PAK5: variants seen among roughly 807,000 people sequenced by gnomAD.
The protein encoded by PAK5 is p21 (RAC1) activated kinase 5.
Under a neutral mutation model 65.9 loss-of-function variants are expected in PAK5, and 16 were observed. The ratio of observed to expected loss-of-function variants is 0.24; its 90% confidence interval spans 0.16 to 0.37. The LOEUF (loss-of-function observed/expected upper bound fraction) is 0.37. PAK5 is among the 10% of genes least tolerant of loss of function. The pLI is 1.00. For synonymous variants in PAK5, 371 were observed against 354.9 expected (o/e 1.05, Z -0.51); for missense variants, 785 against 903.9 (o/e 0.87, Z 1.69).
intron 2 of PAK5, among the ~76,000 whole-genome samples, chr20:9,683,476 G>T (rs897732276): frequency 2.6e-5 from 4 of 152,180 alleles, no homozygotes; most frequent in Non-Finnish European, 5.9e-5. Flanking sequence ...AAGCCTGGGG[G>T]ATCTATCTTC....
At chr20:9,564,996 C>T (rs2122987485) in intron 5 of PAK5, among the ~76,000 whole-genome samples, 1 of 151,688 alleles carries the variant, frequency 6.6e-6, no homozygotes, top group Admixed American at 6.6e-5. Flanking sequence ...GAACCACATA[C>T]ATCTAAAGTT....
intron 1 of PAK5, among the ~76,000 whole-genome samples, chr20:9,736,824 C>G (rs1427183123): frequency 6.6e-6 from 1 of 152,076 alleles, no homozygotes; most frequent in Non-Finnish European, 1.5e-5. Flanking sequence ...ACTCCAGGCA[C>G]AAGAAACATG....
At chr20:9,663,428 T>C (rs1462503678) in intron 2 of PAK5, among the ~76,000 whole-genome samples, 2 of 152,138 alleles carry the variant, frequency 1.3e-5, no homozygotes, top group African/African-American at 4.8e-5. Context: ...GTCATTTCCC[T>C]CTCTCTGTTA....
At chr20:9,804,546 A>G (rs2049208573) in intron 1 of PAK5, among the ~76,000 whole-genome samples, 1 of 152,214 alleles carries the variant, frequency 6.6e-6, no homozygotes, top group African/African-American at 2.4e-5. Context: ...ACCACCTCAT[A>G]CAATATACAA....
chr20:9,784,790 A>G (rs531543284), intron 1 of PAK5, among the ~76,000 whole-genome samples: 1 of 152,092 alleles, frequency 6.6e-6, no homozygotes, highest in South Asian at 2.1e-4. Context: ...GCAAAAAACA[A>G]GAGAAGAAGT....
At chr20:9,783,159 C>T (rs2048959982) in intron 1 of PAK5, among the ~76,000 whole-genome samples, 1 of 152,054 alleles carries the variant, frequency 6.6e-6, no homozygotes, top group Admixed American at 6.6e-5. Flanking sequence ...TGGTCTTGAA[C>T]TCCCGACCTC....
At chr20:9,657,610 T>C (rs1007408368) in intron 2 of PAK5, among the ~76,000 whole-genome samples, 1 of 152,202 alleles carries the variant, frequency 6.6e-6, no homozygotes, top group Non-Finnish European at 1.5e-5. Context: ...CTGGAGTATT[T>C]AAAATTAAAG....
intron 1 of PAK5, among the ~76,000 whole-genome samples, chr20:9,773,369 C>T (rs1374232745): frequency 6.6e-6 from 1 of 152,054 alleles, no homozygotes; most frequent in Non-Finnish European, 1.5e-5. Flanking sequence ...GGTATATCTC[C>T]TAATGCTATC....
chr20:9,644,362 A>C lies in PAK5; in HGVS notation c.-11-23T>G, dbSNP rs2047106291. 3 of 1,501,986 alleles carry C rather than the reference A, an allele frequency of 2.0e-6. No homozygotes were observed. In the South Asian group the frequency reaches 3.4e-5, roughly 17 times the overall value. 93.0% of individuals were successfully genotyped at this position (1,501,986 alleles called of 1,614,324 possible). A position where few individuals can be genotyped will look rare whatever the true frequency, so the allele number is the denominator to read the frequency against. On this transcript the variant is annotated intron_variant, in intron 2 of 9. Coordinates refer to ENST00000353224, the MANE Select transcript of PAK5 (RefSeq NM_177990.4). ...AACCTGGGAAATATAAATGGAAAAG[A>C]GGCAGCCATTTATATCTTGCCAGCA...
intron 1 of PAK5, among the ~76,000 whole-genome samples, chr20:9,771,755 C>T (rs2048836349): frequency 6.6e-6 from 1 of 151,988 alleles, no homozygotes. Flanking sequence ...TAAACTATTG[C>T]CATCAAGGAA....
chr20:9,623,083 TA>T (rs1461782640), intron 3 of PAK5, among the ~76,000 whole-genome samples: 2 of 152,172 alleles, frequency 1.3e-5, no homozygotes, highest in East Asian at 3.8e-4. Flanking sequence ...GTTAGGGAAA[TA>T]AAAGTATTTC....
intron 1 of PAK5, among the ~76,000 whole-genome samples, chr20:9,752,061 T>C (rs1313591534): frequency 6.6e-6 from 1 of 152,104 alleles, no homozygotes; most frequent in East Asian, 1.9e-4. Context: ...ATTAACAAAC[T>C]GAACAGTATT....
At chr20:9,776,101 A>G (rs745465279) in intron 1 of PAK5, among the ~76,000 whole-genome samples, 3 of 152,212 alleles carry the variant, frequency 2.0e-5, no homozygotes, top group African/African-American at 2.4e-5. Context: ...TGAATGCTTG[A>G]AGAAGTGCTT....
intron 1 of PAK5, among the ~76,000 whole-genome samples, chr20:9,751,858 T>C (rs2048580653): frequency 6.6e-6 from 1 of 152,152 alleles, no homozygotes; most frequent in African/African-American, 2.4e-5. Context: ...TTGTTTTTAG[T>C]AAAAAATTCA....
intron 1 of PAK5, among the ~76,000 whole-genome samples, chr20:9,821,716 A>C (rs903276705): frequency 3.9e-5 from 6 of 152,200 alleles, no homozygotes; most frequent in Non-Finnish European, 7.3e-5. Context: ...ATTCACTGAC[A>C]TTTACTGTTT....
chr20:9,568,461 C>G (rs1396390775), intron 4 of PAK5, among the ~76,000 whole-genome samples: 1 of 152,164 alleles, frequency 6.6e-6, no homozygotes, highest in Non-Finnish European at 1.5e-5. Flanking sequence ...GGGGCAGGAA[C>G]AGGGCTTGTG....
chr20:9,698,987 G>C (rs1403637191), intron 2 of PAK5, among the ~76,000 whole-genome samples: 1 of 152,138 alleles, frequency 6.6e-6, no homozygotes, highest in Non-Finnish European at 1.5e-5. Flanking sequence ...TATAGATTCT[G>C]AGTTATTTCC....
intron 3 of PAK5, among the ~76,000 whole-genome samples, chr20:9,605,279 G>C (rs554372892): frequency 6.6e-6 from 1 of 152,196 alleles, no homozygotes; most frequent in South Asian, 2.1e-4. Context: ...GTCAGAGAAA[G>C]CCCTTGGACA....
chr20:9,632,128 C>T (rs2046929403), intron 3 of PAK5, among the ~76,000 whole-genome samples: 1 of 152,176 alleles, frequency 6.6e-6, no homozygotes, highest in East Asian at 1.9e-4. Flanking sequence ...GTCACCACTG[C>T]TGGGAGAGAA....
Sources: gnomAD v4.1 joint callset for allele counts (sites outside exome capture counted in the v4.1 genomes callset) on GRCh38, gnomAD v4.1.1 for gene constraint, MANE v1.5 for transcripts, NCBI Gene and HGNC (gene_info 2026-07-23, HGNC 2026-07-21) for gene names.